HLF: variants seen among roughly 807,000 people sequenced by gnomAD.
HLF encodes HLF transcription factor, PAR bZIP family member.
In HLF, 3 loss-of-function variants were observed where a neutral mutation model predicts 22.6. The observed-to-expected ratio is 0.13, with a 90% CI of 0.06 to 0.34. HLF has a LOEUF of 0.34. Ranked by LOEUF, HLF falls within the 10% of genes least tolerant of loss-of-function variation. The probability of loss-of-function intolerance (pLI) is 1.00; values close to 1 mark genes in which losing one functional copy is unlikely to be tolerated. For missense variants in HLF, 299 were observed against 389.2 expected (o/e 0.77, Z 1.95); for synonymous variants, 151 against 151.8 (o/e 0.99, Z 0.04).
intron 2 of HLF, among the ~76,000 whole-genome samples, chr17:55,313,894 C>T (rs762178638): frequency 2.0e-5 from 3 of 152,178 alleles, no homozygotes; most frequent in Non-Finnish European, 4.4e-5. Context: ...TGCAAACTCC[C>T]CACCAGGCCT....
chr17:55,316,973 T>TTTG, intron 3 of HLF, among the ~76,000 whole-genome samples: 1 of 137,230 alleles, frequency 7.3e-6, no homozygotes, highest in South Asian at 2.8e-4. Flanking sequence ...GTGTTTTTTT[T>TTTG]TTTTTTTTTT....
At chr17:55,295,666 A>G (rs1348920346) in intron 2 of HLF, among the ~76,000 whole-genome samples, 2 of 152,254 alleles carry the variant, frequency 1.3e-5, no homozygotes, top group Non-Finnish European at 2.9e-5. Flanking sequence ...GAGGGCAGGC[A>G]AACTCGTGGT....
chr17:55,300,925 C>A (rs1050081230), intron 2 of HLF, among the ~76,000 whole-genome samples: 2 of 152,224 alleles, frequency 1.3e-5, no homozygotes, highest in Non-Finnish European at 2.9e-5. Flanking sequence ...CAATGCTTAC[C>A]ACTCTTCTTA....
At chr17:55,284,528 G>C (rs539624374) in intron 2 of HLF, among the ~76,000 whole-genome samples, 18 of 152,262 alleles carry the variant, frequency 1.2e-4, no homozygotes, top group African/African-American at 3.9e-4. Context: ...CCTGGGAGTC[G>C]CTCATCAACT....
At chr17:55,276,317 G>A (rs2080904077) in intron 2 of HLF, among the ~76,000 whole-genome samples, 2 of 152,204 alleles carry the variant, frequency 1.3e-5, no homozygotes, top group Non-Finnish European at 2.9e-5. Context: ...GCAAAGTGAT[G>A]AGTGACAGGA....
At chr17:55,285,285 A>G (rs2080993714) in intron 2 of HLF, among the ~76,000 whole-genome samples, 1 of 152,238 alleles carries the variant, frequency 6.6e-6, no homozygotes, top group African/African-American at 2.4e-5. Context: ...TCCCAGGTAT[A>G]TCCAAAGTCT....
chr17:55,319,227 G>T (rs1905179677), intron 3 of HLF, among the ~76,000 whole-genome samples: 3 of 152,298 alleles, frequency 2.0e-5, no homozygotes, highest in Admixed American at 6.5e-5. Flanking sequence ...GCAAATGCCT[G>T]TTGAGGGTAA....
chr17:55,318,534 T>C (rs1905151900), intron 3 of HLF, among the ~76,000 whole-genome samples: 1 of 152,150 alleles, frequency 6.6e-6, no homozygotes, highest in African/African-American at 2.4e-5. Context: ...GTCAGAATTG[T>C]CTTACACCAC....
At chr17:55,270,586 C>G (rs750801220) in intron 2 of HLF, among the ~76,000 whole-genome samples, 2 of 151,230 alleles carry the variant, frequency 1.3e-5, no homozygotes, top group Non-Finnish European at 1.5e-5. Context: ...CTTGGTCATT[C>G]TGGGAGCTGT....
At chr17:55,290,039 CT>C (rs2081045963) in intron 2 of HLF, among the ~76,000 whole-genome samples, 1 of 152,220 alleles carries the variant, frequency 6.6e-6, no homozygotes, top group Non-Finnish European at 1.5e-5. Context: ...AGGAGTCTCT[CT>C]TGACAACCCA....
Position 55,323,604 on chromosome 17 carries a change from G to A in HLF, c.*2725G>A, listed in dbSNP as rs1423066309. The A allele has an allele frequency of 4.4e-6, 1 of 226,928 alleles. No homozygotes were observed. Among genetic ancestry groups the A allele is most frequent in the Admixed American group, 5.7e-5 (1 of 17,514 alleles). 14.1% of individuals were successfully genotyped at this position (226,928 alleles called of 1,614,324 possible). A position where few individuals can be genotyped will look rare whatever the true frequency, so the allele number is the denominator to read the frequency against. On this transcript the variant is annotated 3_prime_UTR_variant, in exon 4 of 4. Transcript: ENST00000226067. ...TACAAATTTAAACACTTTGGAGTCTGTACAGGTGCCTTATATGTAGGTCAT... is the reference window on the plus strand; with the variant it reads ...TACAAATTTAAACACTTTGGAGTCTATACAGGTGCCTTATATGTAGGTCAT...
intron 2 of HLF, among the ~76,000 whole-genome samples, chr17:55,314,014 A>G (rs1248088139): frequency 6.6e-6 from 1 of 152,176 alleles, no homozygotes; most frequent in Non-Finnish European, 1.5e-5. Context: ...TACTTCACAC[A>G]TTGACCTACC....
At position 55,320,687 on chromosome 17, in the gene HLF, C is replaced by T. The variant is rs778253433; in HGVS notation, c.696C>T (p.Arg232=). ...DLKDDKYWAR[R]RKNNMAAKRS... ...AGGATGACAAGTACTGGGCAAGGCG[C>T]AGAAAGAACAACATGGCAGCCAAGC... Residue 232 remains arginine (R), a synonymous_variant, in exon 4 of 4, where the codon CGC becomes CGT. Transcript: ENST00000226067. This position sits in a 1 kb window ranked among gnomAD's most constrained non-coding sequence, Gnocchi z 4.2. The T allele has an allele frequency of 1.2e-6, 2 of 1,614,170 alleles. No individual in the cohort carries two copies. The highest frequency in any genetic ancestry group is 2.2e-5 in the South Asian group (2 of 91,082).
chr17:55,323,034 T>G lies in HLF; in HGVS notation c.*2155T>G, dbSNP rs560993718. On this transcript the variant is annotated 3_prime_UTR_variant, in exon 4 of 4. Coordinates refer to ENST00000226067, the MANE Select transcript of HLF (RefSeq NM_002126.5). ...CAGAGTATCTAATCCTTTAATGATC[T>G]GGTGGTCTCCTCGTCAATCCATCAG... The G allele has an allele frequency of 1.8e-5, 4 of 221,078 alleles. No homozygotes were observed. The highest frequency in any genetic ancestry group is 8.9e-5 in the African/African-American group (4 of 44,802). 13.7% of individuals were successfully genotyped at this position (221,078 alleles called of 1,614,324 possible).
rs887926038 is a variant in HLF, at chr17:55,323,301, C to T, written c.*2422C>T. On this transcript the variant is annotated 3_prime_UTR_variant, in exon 4 of 4. Transcript: ENST00000226067. ...GTTGGCCTTTTTACAGGCAAAGAGG[C>T]GAATTGTAGAATTGTTAGATGGCAA... 21 of 214,824 alleles carry T rather than the reference C, an allele frequency of 9.8e-5. No homozygotes were observed. The highest frequency in any genetic ancestry group is 1.2e-4 in the Admixed American group (2 of 17,122). 13.3% of individuals were successfully genotyped at this position (214,824 alleles called of 1,614,324 possible). A position where few individuals can be genotyped will look rare whatever the true frequency, so the allele number is the denominator to read the frequency against.
intron 1 of HLF, chr17:55,266,293 C>G (rs559583438): frequency 6.6e-6 from 1 of 152,174 alleles, no homozygotes; most frequent in Non-Finnish European, 1.5e-5. Context: ...GCAGGAGCCT[C>G]CTCTGGCTTG....
rs767778351 is a variant in HLF, at chr17:55,322,931, C to A, written c.*2052C>A. On this transcript the variant is annotated 3_prime_UTR_variant, in exon 4 of 4. Coordinates refer to ENST00000226067, the MANE Select transcript of HLF (RefSeq NM_002126.5). ...TTAAGTTGTAAAATGTCAAGAAATT[C>A]TGCTGTTACGACAAAGAAACATTTT... 8 of 225,350 alleles carry A rather than the reference C, an allele frequency of 3.6e-5. No homozygotes were observed. The highest frequency in any genetic ancestry group is 7.1e-5 in the Non-Finnish European group (8 of 113,150). The allele number at this position is 225,350 out of a possible 1,614,324, so 14.0% of individuals were successfully genotyped here. A position where few individuals can be genotyped will look rare whatever the true frequency, so the allele number is the denominator to read the frequency against.
At position 55,300,138 on chromosome 17, in the gene HLF, C is replaced by A. The variant is rs143657336; in HGVS notation, c.452-15089C>A. On this transcript the variant is annotated intron_variant, in intron 2 of 3. Transcript: ENST00000226067. ...ACAGGTGTGAGTGCTTGGCCTTCCT[C>A]ATTTGTTTAACAGATATAGTAATGC... Among the ~76,000 whole-genome samples, 12 of 152,314 alleles carry A rather than the reference C, an allele frequency of 7.9e-5. No individual in the cohort carries two copies. In the East Asian group the frequency reaches 2.3e-3, roughly 29 times the overall value.
Position 55,320,419 on chromosome 17 carries a change from G to A in HLF, c.673-245G>A, listed in dbSNP as rs747368825. On this transcript the variant is annotated intron_variant, in intron 3 of 3. Transcript: ENST00000226067. This position sits in a 1 kb window ranked among gnomAD's most constrained non-coding sequence, Gnocchi z 4.2. ...CTCTGATCTCTGCTTCACTGAGCAC[G>A]CCTCTGCTGGGCAAAGAGTAGGAGC... 2.0e-5 allele frequency among the ~76,000 whole-genome samples: 3 copies of A among 152,202 alleles called. No homozygotes were observed. The highest frequency in any genetic ancestry group is 6.5e-5 in the Admixed American group (1 of 15,280).
Sources: gnomAD v4.1 joint callset for allele counts (sites outside exome capture counted in the v4.1 genomes callset) on GRCh38, gnomAD v4.1.1 for gene constraint, Gnocchi (gnomAD v3.1) non-coding constraint, MANE v1.5 for transcripts, NCBI Gene and HGNC (gene_info 2026-07-23, HGNC 2026-07-21) for gene names.